AK3: variants seen among roughly 807,000 people sequenced by gnomAD.
AK3 encodes GTP:AMP phosphotransferase AK3, mitochondrial.
In AK3, 27 loss-of-function variants were observed where a neutral mutation model predicts 23.7. The ratio of observed to expected loss-of-function variants is 1.14; its 90% CI spans 0.84 to 1.57. The LOEUF is 1.57. AK3 is among the 40% of genes most tolerant of loss of function. The pLI, the probability that AK3 is intolerant of heterozygous loss-of-function variation, is 0.00. For missense variants in AK3, 406 were observed against 285.6 expected, an observed-to-expected ratio of 1.42 and a Z score of -3.04; for synonymous variants, 159 against 116.0, an observed-to-expected ratio of 1.37 and a Z score of -2.38.
intron 1 of AK3, among the ~76,000 whole-genome samples, chr9:4,729,209 C>T (rs1842097910): frequency 6.6e-6 from 1 of 151,874 alleles, no homozygotes; most frequent in African/African-American, 2.4e-5. Context: ...AGGGTTTCAC[C>T]ATGTTGGTCA....
chr9:4,740,982 G>A lies in AK3; in HGVS notation c.106C>T (p.Leu36Phe), dbSNP rs1472595063. Residue 36 changes from leucine to phenylalanine, a missense_variant, in exon 1 of 5, where the codon CTC (leucine) becomes TTC (phenylalanine). Leu to Phe is a conservative substitution (Grantham distance 22). Transcript: ENST00000381809. ...TCCCGGAGCAGGTCCCCGCTGGAGA[G>A]GTGCTTCAGCTCGAAGTGTGTAGTG... ...RITTHFELKH[L>F]SSGDLLRDNM... The A allele has an allele frequency of 6.3e-7, 1 of 1,589,522 alleles. No homozygotes were observed. The highest frequency in any genetic ancestry group is 1.8e-4 in the Middle Eastern group (1 of 5,654).
rs138654180 is a variant in AK3, at chr9:4,731,186, G to A, written c.152-8561C>T. On this transcript the variant is annotated intron_variant, in intron 1 of 4. Transcript: ENST00000381809. Reference sequence around the variant, plus strand: ...TGTTACATGGGTGAACTTGTGTCATGGGGGTTTGTTGTACAGATTATTTCA... The same window carrying A: ...TGTTACATGGGTGAACTTGTGTCATAGGGGTTTGTTGTACAGATTATTTCA... 3.4e-3 allele frequency among the ~76,000 whole-genome samples: 522 copies of A among 152,270 alleles called. 4 individuals carry two copies. Among genetic ancestry groups the A allele is most frequent in the African/African-American group, 0.012 (500 of 41,540 alleles).
chr9:4,730,644 T>G (rs1205488894), intron 1 of AK3, among the ~76,000 whole-genome samples: 1 of 152,176 alleles, frequency 6.6e-6, no homozygotes, highest in African/African-American at 2.4e-5. Flanking sequence ...ATTTTGAGTT[T>G]TGTTTATATA....
rs141686796 is a variant in AK3, at chr9:4,714,941, G to A, written c.564-1845C>T. ...GAGAATGAAAAGACTGAATTCGGCCGGGTGTGGTGGCTCAAGTCTGTAATC... is the reference window on the plus strand; with the variant it reads ...GAGAATGAAAAGACTGAATTCGGCCAGGTGTGGTGGCTCAAGTCTGTAATC... On this transcript the variant is annotated intron_variant, in intron 4 of 4. Coordinates refer to ENST00000381809, the MANE Select transcript of AK3 (RefSeq NM_016282.4). Among the ~76,000 whole-genome samples the A allele has an allele frequency of 4.3e-3, 657 of 152,194 alleles. 6 individuals carry two copies. Among genetic ancestry groups the A allele is most frequent in the African/African-American group, 0.014 (590 of 41,512 alleles).
chr9:4,710,580 A>G lies in AK3; in HGVS notation c.*2396T>C, dbSNP rs1841534684. 6.6e-6 allele frequency: 1 copy of G among 152,026 alleles called. No homozygotes were observed. The highest frequency in any genetic ancestry group is 1.5e-5 in the Non-Finnish European group (1 of 68,004). 9.4% of individuals were successfully genotyped at this position (152,026 alleles called of 1,614,324 possible). On this transcript the variant is annotated 3_prime_UTR_variant, in exon 5 of 5. Coordinates refer to ENST00000381809, the MANE Select transcript of AK3 (RefSeq NM_016282.4). ...CTAGCCATGGCATTCAGCTCCATAC[A>G]TGTATTTCCATGTGGTACATAAATC...
intron 1 of AK3, among the ~76,000 whole-genome samples, chr9:4,728,891 A>ATATG (rs1842082960): frequency 6.8e-6 from 1 of 146,562 alleles, no homozygotes; most frequent in Admixed American, 6.9e-5. Flanking sequence ...ACATACATAT[A>ATATG]TATACACATA....
intron 1 of AK3, among the ~76,000 whole-genome samples, chr9:4,723,730 C>T (rs957537858): frequency 5.9e-5 from 9 of 152,194 alleles, no homozygotes; most frequent in South Asian, 2.1e-4. Context: ...TAAGATATTT[C>T]GAAATAAATA....
At position 4,710,918 on chromosome 9, in the gene AK3, A is replaced by T. The variant is rs79248010; in HGVS notation, c.*2058T>A. ...GTGAGGCCCTGTCTAAAAAAAAATAAAGAAAAAAGTTGTATTACAGTCATA... is the reference window on the plus strand; with the variant it reads ...GTGAGGCCCTGTCTAAAAAAAAATATAGAAAAAAGTTGTATTACAGTCATA... On this transcript the variant is annotated 3_prime_UTR_variant, in exon 5 of 5. Transcript: ENST00000381809. 7.9e-4 allele frequency: 121 copies of T among 152,286 alleles called. 1 individual carries two copies. Among genetic ancestry groups the T allele is most frequent in the African/African-American group, 2.8e-3 (115 of 41,556 alleles). 9.4% of individuals were successfully genotyped at this position (152,286 alleles called of 1,614,324 possible). A position where few individuals can be genotyped will look rare whatever the true frequency, so the allele number is the denominator to read the frequency against.
chr9:4,729,016 T>TATATATATATA (rs1554627058), intron 1 of AK3, among the ~76,000 whole-genome samples: 2 of 57,266 alleles, frequency 3.5e-5, no homozygotes, highest in African/African-American at 1.4e-4. Flanking sequence ...TATATATATA[T>TATATATATATA]TTTTTTTTTT....
intron 1 of AK3, among the ~76,000 whole-genome samples, chr9:4,730,236 A>G (rs1842121857): frequency 1.3e-5 from 2 of 152,194 alleles, no homozygotes; most frequent in African/African-American, 4.8e-5. Context: ...AGTGATAAAA[A>G]TGTTCTAAAA....
At chr9:4,738,109 G>T (rs895953389) in intron 1 of AK3, among the ~76,000 whole-genome samples, 1 of 152,146 alleles carries the variant, frequency 6.6e-6, no homozygotes, top group African/African-American at 2.4e-5. Context: ...ACAAACAATA[G>T]TTAACAACAT....
At chr9:4,728,856 T>TACACACACACACAC (rs1236773024) in intron 1 of AK3, among the ~76,000 whole-genome samples, 63 of 60,870 alleles carry the variant, frequency 1.0e-3, no homozygotes, top group Middle Eastern at 6.3e-3. Flanking sequence ...TATATATATA[T>TACACACACACACAC]ATATATATAT....
rs139791335 is a variant in AK3 at position 4,726,340 on chromosome 9, C to G, written c.152-3715G>C. Reference sequence around the variant, plus strand: ...GCAGTGTTGTGTGATAGTATTTTATCCACAGTAGAACTTCTTTCAAAACTG... The same window carrying G: ...GCAGTGTTGTGTGATAGTATTTTATGCACAGTAGAACTTCTTTCAAAACTG... On this transcript the variant is annotated intron_variant, in intron 1 of 4. Transcript: ENST00000381809. Among the ~76,000 whole-genome samples, 926 of 152,264 alleles carry G rather than the reference C, an allele frequency of 6.1e-3. 8 individuals are homozygous for G. Among genetic ancestry groups the G allele is most frequent in the Non-Finnish European group, 0.011 (731 of 68,004 alleles).
rs551442688 is a variant in AK3 at position 4,729,101 on chromosome 9, C to T, written c.152-6476G>A. 4.6e-3 allele frequency among the ~76,000 whole-genome samples: 695 copies of T among 150,486 alleles called. 2 individuals carry two copies. Among genetic ancestry groups the T allele is most frequent in the African/African-American group, 0.016 (674 of 40,912 alleles). On this transcript the variant is annotated intron_variant, in intron 1 of 4. Coordinates refer to ENST00000381809, the MANE Select transcript of AK3 (RefSeq NM_016282.4). ...TCTTGGCTCACTGCAACCTCTGCCT[C>T]CCGGGTTCAAGCGATTCTCCTGCCT...
At chr9:4,736,935 C>T (rs967749057) in intron 1 of AK3, among the ~76,000 whole-genome samples, 1 of 152,154 alleles carries the variant, frequency 6.6e-6, no homozygotes, top group East Asian at 1.9e-4. Context: ...GCCTTGGCCT[C>T]CCAAAGTGTT....
chr9:4,723,998 T>C (rs1273673059), intron 1 of AK3, among the ~76,000 whole-genome samples: 2 of 152,216 alleles, frequency 1.3e-5, no homozygotes, highest in African/African-American at 2.4e-5. Flanking sequence ...AAACTTTAGA[T>C]TTTTAACCAA....
rs1166971578 is a variant in AK3, at chr9:4,740,060, CAAAAAAA to C, written c.151+870_151+876del. ...ACGTCTATCCTGTTTGCTATCCTTA[CAAAAAAA>C]AAAAAAAAAAGAAGGAAAACAAAAG... is the stretch of plus-strand genomic sequence containing the variant. On this transcript the variant is annotated intron_variant, in intron 1 of 4. Transcript: ENST00000381809. 3.9e-3 allele frequency among the ~76,000 whole-genome samples: 443 copies of C among 113,346 alleles called. 4 individuals carry two copies. The highest frequency in any genetic ancestry group is 0.022 in the Middle Eastern group (5 of 226). The allele number at this position is 113,346 out of a possible 152,430, so 74.4% of individuals were successfully genotyped here. A position where few individuals can be genotyped will look rare whatever the true frequency, so the allele number is the denominator to read the frequency against.
chr9:4,739,010 G>A (rs957122522), intron 1 of AK3, among the ~76,000 whole-genome samples: 1 of 151,898 alleles, frequency 6.6e-6, no homozygotes, highest in African/African-American at 2.4e-5. Flanking sequence ...CTGACCTCAA[G>A]TGACCTGCCC....
intron 1 of AK3, among the ~76,000 whole-genome samples, chr9:4,736,034 G>A (rs1380442753): frequency 2.0e-5 from 3 of 149,780 alleles, no homozygotes; most frequent in Non-Finnish European, 3.0e-5. Context: ...AGAAGCACTT[G>A]AACGTGGGAG....
Sources: allele counts gnomAD v4.1 joint callset (sites outside exome capture counted in the v4.1 genomes callset), GRCh38; gene constraint gnomAD v4.1.1; transcripts MANE v1.5; gene names NCBI Gene and HGNC (gene_info 2026-07-23, HGNC 2026-07-21).